EXOC6B: variants seen among roughly 807,000 people sequenced by gnomAD.
EXOC6B encodes SEC15 homolog B.
In EXOC6B, 54 loss-of-function variants were observed where a neutral mutation model predicts 113.5. That is an observed-to-expected ratio of 0.48 (90% CI 0.38 to 0.60). EXOC6B has a LOEUF of 0.60. EXOC6B is among the 20% of genes least tolerant of loss of function. The pLI, the probability that EXOC6B is intolerant of heterozygous loss-of-function variation, is 0.00. For missense variants in EXOC6B, 797 were observed against 977.5 expected (o/e 0.82, Z 2.46); for synonymous variants, 357 against 339.0 (o/e 1.05, Z -0.58).
intron 19 of EXOC6B, among the ~76,000 whole-genome samples, chr2:72,351,083 T>C (rs906414677): frequency 1.3e-5 from 2 of 151,870 alleles, no homozygotes; most frequent in Admixed American, 6.6e-5. Context: ...TTCCAGTGAG[T>C]CAGAGGGGAA....
intron 6 of EXOC6B, among the ~76,000 whole-genome samples, chr2:72,662,321 C>T (rs1289175526): frequency 6.6e-6 from 1 of 152,142 alleles, no homozygotes; most frequent in Non-Finnish European, 1.5e-5. Flanking sequence ...TTTCTAAAAA[C>T]TGATAAATTG....
intron 20 of EXOC6B, chr2:72,288,685 T>C (rs2104701156): frequency 8.2e-6 from 1 of 122,274 alleles, no homozygotes; most frequent in African/African-American, 4.9e-5. Flanking sequence ...ATCAATCTGA[T>C]AGAAATATAT....
intron 1 of EXOC6B, among the ~76,000 whole-genome samples, chr2:72,806,345 C>G (rs996360765): frequency 6.6e-6 from 1 of 152,182 alleles, no homozygotes; most frequent in Non-Finnish European, 1.5e-5. Context: ...CATGCTGCTG[C>G]AAAGATCATG....
rs1192877166 is a variant in EXOC6B at position 72,603,550 on chromosome 2, C to G, written c.670-27882G>C. Among the ~76,000 whole-genome samples, 5 of 152,140 alleles carry G rather than the reference C, an allele frequency of 3.3e-5. No homozygotes were observed. The East Asian group carries it at 5.8e-4, about 18-fold the overall frequency. On this transcript the variant is annotated intron_variant, in intron 6 of 21. Coordinates refer to ENST00000272427, the MANE Select transcript of EXOC6B (RefSeq NM_015189.3). ...CAATCCCAGAAGTATTCCAACAGAGCTGACCCTCCTGGTTCCTATGCTCCC... is the reference window on the plus strand; with the variant it reads ...CAATCCCAGAAGTATTCCAACAGAGGTGACCCTCCTGGTTCCTATGCTCCC...
intron 6 of EXOC6B, among the ~76,000 whole-genome samples, chr2:72,592,150 T>C (rs1477566899): frequency 1.3e-5 from 2 of 152,256 alleles, no homozygotes; most frequent in Admixed American, 6.5e-5. Flanking sequence ...AAAAGCCGAC[T>C]GTTTAAAGGC....
At chr2:72,797,887 C>A (rs1685062349) in intron 1 of EXOC6B, among the ~76,000 whole-genome samples, 1 of 151,904 alleles carries the variant, frequency 6.6e-6, no homozygotes, top group East Asian at 1.9e-4. Flanking sequence ...CCCTACCCCC[C>A]AATGGAAAAA....
At chr2:72,716,468 CA>C (rs1679625453) in intron 6 of EXOC6B, among the ~76,000 whole-genome samples, 1 of 152,124 alleles carries the variant, frequency 6.6e-6, no homozygotes, top group African/African-American at 2.4e-5. Context: ...GTTAACATAA[CA>C]TATCTTTACT....
At chr2:72,388,253 T>A (rs1052212911) in intron 18 of EXOC6B, among the ~76,000 whole-genome samples, 2 of 152,248 alleles carry the variant, frequency 1.3e-5, no homozygotes, top group Non-Finnish European at 2.9e-5. Flanking sequence ...GTTTTCATTT[T>A]TCTTCAGTTC....
At chr2:72,530,372 T>C (rs1170955961) in intron 8 of EXOC6B, among the ~76,000 whole-genome samples, 1 of 152,218 alleles carries the variant, frequency 6.6e-6, no homozygotes, top group Non-Finnish European at 1.5e-5. Flanking sequence ...CCAGGCATTA[T>C]ATGTAAGTGT....
chr2:72,781,662 T>C (rs1380694293), intron 1 of EXOC6B, among the ~76,000 whole-genome samples: 1 of 152,108 alleles, frequency 6.6e-6, no homozygotes, highest in East Asian at 1.9e-4. Context: ...GCCAGAGCAC[T>C]GCAGGTCACT....
chr2:72,654,712 A>G (rs1432057896), intron 6 of EXOC6B, among the ~76,000 whole-genome samples: 1 of 152,198 alleles, frequency 6.6e-6, no homozygotes, highest in African/African-American at 2.4e-5. Context: ...CAGTCCAAAA[A>G]TACAGTGCCC....
At chr2:72,218,114 C>T (rs1032830078) in intron 20 of EXOC6B, among the ~76,000 whole-genome samples, 13 of 152,046 alleles carry the variant, frequency 8.6e-5, no homozygotes, top group Admixed American at 2.0e-4. Flanking sequence ...GAGGTTTTGC[C>T]GGTTTATAAG....
At chr2:72,690,342 C>A (rs1316957857) in intron 6 of EXOC6B, among the ~76,000 whole-genome samples, 1 of 152,116 alleles carries the variant, frequency 6.6e-6, no homozygotes, top group East Asian at 1.9e-4. Context: ...GAGAAAAATT[C>A]TTTATTAAGC....
chr2:72,493,146 G>A (rs989262838), intron 15 of EXOC6B, among the ~76,000 whole-genome samples: 10 of 151,976 alleles, frequency 6.6e-5, no homozygotes, highest in African/African-American at 2.4e-4. Context: ...AGTTGATTTT[G>A]TCTTTCTCAC....
rs530251708 is a variant in EXOC6B at position 72,395,013 on chromosome 2, A to G, written c.1981-15143T>C. ...AAATTGAAAGGAAGAAAGGGAATCA[A>G]CCAAAAACTAAATCCAATTTTGATG... On this transcript the variant is annotated intron_variant, in intron 18 of 21. Transcript: ENST00000272427. Among the ~76,000 whole-genome samples, 6 of 152,256 alleles carry G rather than the reference A, an allele frequency of 3.9e-5. No homozygotes were observed. In the South Asian group the frequency reaches 1.2e-3, roughly 32 times the overall value.
chr2:72,190,454 G>C (rs770803844), intron 20 of EXOC6B, among the ~76,000 whole-genome samples: 1 of 152,002 alleles, frequency 6.6e-6, no homozygotes, highest in Non-Finnish European at 1.5e-5. Context: ...TAATTTTGGG[G>C]TATGTGAAAC....
chr2:72,734,320 C>A (rs936927925), intron 2 of EXOC6B, among the ~76,000 whole-genome samples: 1 of 152,068 alleles, frequency 6.6e-6, no homozygotes, highest in Non-Finnish European at 1.5e-5. Flanking sequence ...CAGCAAATTC[C>A]CTCTTTATTA....
intron 6 of EXOC6B, among the ~76,000 whole-genome samples, chr2:72,618,590 T>C (rs1671546098): frequency 6.6e-6 from 1 of 152,190 alleles, no homozygotes; most frequent in African/African-American, 2.4e-5. Context: ...AATAAAATCA[T>C]CTGTCTAATG....
At chr2:72,762,932 TTGTA>T (rs1682829085) in intron 1 of EXOC6B, among the ~76,000 whole-genome samples, 1 of 152,096 alleles carries the variant, frequency 6.6e-6, no homozygotes, top group Non-Finnish European at 1.5e-5. Context: ...GTTTTAAGGA[TTGTA>T]TGTTATATAC....
Sources: gnomAD v4.1 joint callset for allele counts (sites outside exome capture counted in the v4.1 genomes callset) on GRCh38, gnomAD v4.1.1 for gene constraint, MANE v1.5 for transcripts, NCBI Gene and HGNC (gene_info 2026-07-23, HGNC 2026-07-21) for gene names.